Variants in BRD3 observed in about 807,000 individuals in gnomAD.
BRD3 encodes bromodomain-containing protein 3.
BRD3 carries 17 observed loss-of-function variants against 66.8 expected under a neutral mutation model. The ratio of observed to expected loss-of-function variants is 0.25; its 90% CI spans 0.17 to 0.38. The LOEUF (loss-of-function observed/expected upper bound fraction) is 0.38. BRD3 is among the 10% of genes least tolerant of loss of function. The probability of loss-of-function intolerance (pLI) is 1.00; values close to 1 mark genes in which losing one functional copy is unlikely to be tolerated. For missense variants in BRD3, 713 were observed against 956.1 expected (o/e 0.75, Z 3.35); for synonymous variants, 421 against 393.2 (o/e 1.07, Z -0.84).
Position 134,045,716 on chromosome 9 carries a change from T to A in BRD3, c.1087-295A>T, listed in dbSNP as rs1486026425. 6.6e-6 allele frequency among the ~76,000 whole-genome samples: 1 copy of A among 152,066 alleles called. No individual in the cohort carries two copies. Among genetic ancestry groups the A allele is most frequent in the Non-Finnish European group, 1.5e-5 (1 of 68,012 alleles). Reference sequence around the variant, plus strand: ...AAGAAATCCCAGGTTCCCGTAGGCGTCCCTTGGCCCCTTCCTTGTCCAGAG... The same window carrying A: ...AAGAAATCCCAGGTTCCCGTAGGCGACCCTTGGCCCCTTCCTTGTCCAGAG... On this transcript the variant is annotated intron_variant, in intron 6 of 11. Transcript: ENST00000303407. The surrounding 1 kb of genome is among the most constrained non-coding windows in gnomAD (Gnocchi z 4.8).
In BRD3 at chr9:134,045,476, C is replaced by T; in HGVS notation, c.1087-55G>A. 1.9e-6 allele frequency: 3 copies of T among 1,607,144 alleles called. No individual in the cohort carries two copies. The highest frequency in any genetic ancestry group is 2.6e-6 in the Non-Finnish European group (3 of 1,175,690). ...GCGTGGCCCGTGGCATCAGGACTCTCTGCCACACCCCACGAGATGAACTCT... is the reference window on the plus strand; with the variant it reads ...GCGTGGCCCGTGGCATCAGGACTCTTTGCCACACCCCACGAGATGAACTCT... On this transcript the variant is annotated intron_variant, in intron 6 of 11. Transcript: ENST00000303407. The surrounding 1 kb of genome is among the most constrained non-coding windows in gnomAD (Gnocchi z 4.8).
At chr9:134,067,102 G>C (rs1009993894) in intron 1 of BRD3, among the ~76,000 whole-genome samples, 1 of 152,232 alleles carries the variant, frequency 6.6e-6, no homozygotes, top group Admixed American at 6.5e-5. Context: ...ATTTCTCCCC[G>C]GATGGGCTTG....
chr9:134,039,935 C>T (rs778229032), intron 9 of BRD3, 99 bp downstream of exon 9: 11 of 1,482,216 alleles, frequency 7.4e-6, no homozygotes, highest in African/African-American at 1.4e-5. Context: ...TTCCAGGTGG[C>T]CAAGGCACAA....
intron 1 of BRD3, among the ~76,000 whole-genome samples, chr9:134,064,969 T>C (rs1044391850): frequency 2.0e-5 from 3 of 152,248 alleles, no homozygotes; most frequent in Admixed American, 2.0e-4. Flanking sequence ...CTTTGCTACC[T>C]GTGCATCTCT....
chr9:134,067,441 G>C (rs946624845), intron 1 of BRD3, among the ~76,000 whole-genome samples: 5 of 149,916 alleles, frequency 3.3e-5, no homozygotes, highest in Admixed American at 6.6e-5. Context: ...ACAGGCGCGG[G>C]GAAAGTGGCC....
intron 10 of BRD3, among the ~76,000 whole-genome samples, chr9:134,035,367 A>G (rs1226879965): frequency 6.6e-6 from 1 of 152,170 alleles, no homozygotes; most frequent in African/African-American, 2.4e-5. Flanking sequence ...CCGAGAGGCC[A>G]CATGCAAGTT....
At chr9:134,048,519 G>C (rs992354073) in intron 5 of BRD3, 65 bp from the exon 6 acceptor site, 24 of 1,587,478 alleles carry the variant, frequency 1.5e-5, no homozygotes, top group Admixed American at 5.1e-5. Context: ...TGTCGCTGCA[G>C]CCGCGTTTCT....
At chr9:134,051,952 A>G (rs1830316004) in intron 3 of BRD3, among the ~76,000 whole-genome samples, 1 of 139,960 alleles carries the variant, frequency 7.1e-6, no homozygotes, top group East Asian at 2.2e-4. Context: ...GTGCAGTGGC[A>G]TGATCTCGGC....
At chr9:134,039,176 G>T (rs1339345103) in intron 9 of BRD3, among the ~76,000 whole-genome samples, 2 of 152,142 alleles carry the variant, frequency 1.3e-5, no homozygotes, top group Non-Finnish European at 2.9e-5. Flanking sequence ...CTCCAAAGGG[G>T]TATCCTTTCT....
Position 134,034,768 on chromosome 9 carries a change from C to T in BRD3, c.1998G>A (p.Lys666=). 1 of 1,611,612 alleles carries T rather than the reference C, an allele frequency of 6.2e-7. No individual in the cohort carries two copies. The highest frequency in any genetic ancestry group is 8.5e-7 in the Non-Finnish European group (1 of 1,179,988). ...SKEELAQEKK[K]ELEKRLQDVS... is the part of the protein sequence containing the mutation. ...CATCCTGCAGACGCTTTTCCAGCTC[C>T]TTCTTCTTTTCCTGAGCTAGCTCCT... Residue 666 remains lysine (K), a synonymous_variant, in exon 11 of 12, where the codon AAG becomes AAA. Transcript: ENST00000303407.
At chr9:134,060,818 C>T (rs930363027) in intron 1 of BRD3, among the ~76,000 whole-genome samples, 2 of 152,212 alleles carry the variant, frequency 1.3e-5, no homozygotes, top group African/African-American at 4.8e-5. Flanking sequence ...TGGCCCCAGG[C>T]AGGCCCACCT....
At chr9:134,058,242 G>C (rs547864497) in intron 1 of BRD3, 2 of 152,466 alleles carry the variant, frequency 1.3e-5, no homozygotes, top group African/African-American at 4.8e-5. Flanking sequence ...CCAGTGGCTA[G>C]AACTGGGTGT....
intron 11 of BRD3, among the ~76,000 whole-genome samples, chr9:134,034,001 AGCTGCTGGCGTTTCTG>A (rs1259589925): frequency 1.3e-5 from 2 of 152,184 alleles, no homozygotes; most frequent in Non-Finnish European, 2.9e-5. Context: ...CAGGAACACC[AGCTGCTGGCGTTTCTG>A]GAGCGCTTAC....
chr9:134,052,139 G>A (rs1200302596), intron 3 of BRD3, among the ~76,000 whole-genome samples, 167 bp downstream of exon 3: 4 of 152,026 alleles, frequency 2.6e-5, no homozygotes, highest in South Asian at 2.1e-4. Flanking sequence ...GTGATCCGCC[G>A]ACCTCGGCCT....
At chr9:134,043,075 G>A (rs1039691517) in intron 7 of BRD3, among the ~76,000 whole-genome samples, 4 of 152,090 alleles carry the variant, frequency 2.6e-5, no homozygotes, top group East Asian at 1.9e-4. Context: ...TCCTGACCTC[G>A]TGATCTGCCT....
At chr9:134,051,875 G>GTGTGTGTGTGTGTGTGTA (rs1554829362) in intron 3 of BRD3, among the ~76,000 whole-genome samples, 166 bp from the exon 4 acceptor site, 1 of 101,016 alleles carries the variant, frequency 9.9e-6, no homozygotes, top group African/African-American at 4.1e-5. Flanking sequence ...GTGTGTGTGT[G>GTGTGTGTGTGTGTGTGTA]TGTTGTTTTT....
Position 134,042,046 on chromosome 9 carries a change from G to A in BRD3, c.1216-95C>T, listed in dbSNP as rs959218984. On this transcript the variant is annotated intron_variant, in intron 7 of 11. Transcript: ENST00000303407. Reference sequence around the variant, plus strand: ...GGGTTTCTGAGGTGCCCCTGAGGCAGCACCCACAGCTGTTACGAAGGTGGG... The same window carrying A: ...GGGTTTCTGAGGTGCCCCTGAGGCAACACCCACAGCTGTTACGAAGGTGGG... The A allele has an allele frequency of 6.0e-6, 8 of 1,327,084 alleles. No homozygotes were observed. In the African/African-American group the frequency reaches 1.1e-4, roughly 17 times the overall value. The allele number at this position is 1,327,084 out of a possible 1,614,324, so 82.2% of individuals were successfully genotyped here.
chr9:134,032,751 A>G lies in BRD3; in HGVS notation c.*839T>C. On this transcript the variant is annotated 3_prime_UTR_variant, in exon 12 of 12. Transcript: ENST00000303407. ...AAGTGGTTCCCAAGGGTGGCGCGGC[A>G]GCAGCAGCAGGGGCAGCGCTAGCCA... The G allele has an allele frequency of 4.2e-6, 1 of 238,432 alleles. No homozygotes were observed. Among genetic ancestry groups the G allele is most frequent in the African/African-American group, 2.2e-5 (1 of 45,422 alleles). 14.8% of individuals were successfully genotyped at this position (238,432 alleles called of 1,614,324 possible). A position where few individuals can be genotyped will look rare whatever the true frequency, so the allele number is the denominator to read the frequency against.
intron 9 of BRD3, among the ~76,000 whole-genome samples, chr9:134,039,500 C>G (rs1489838654): frequency 6.6e-6 from 1 of 152,194 alleles, no homozygotes; most frequent in African/African-American, 2.4e-5. Flanking sequence ...TTGCCTCCCC[C>G]TTGGGAAGCC....
Sources: gnomAD v4.1 joint callset for allele counts (sites outside exome capture counted in the v4.1 genomes callset) on GRCh38, gnomAD v4.1.1 for gene constraint, Gnocchi (gnomAD v3.1) non-coding constraint, MANE v1.5 for transcripts, NCBI Gene and HGNC (gene_info 2026-07-23, HGNC 2026-07-21) for gene names.